TTC3: variants seen among roughly 807,000 people sequenced by gnomAD.
TTC3 encodes the protein E3 ubiquitin-protein ligase TTC3.
In TTC3, 180 loss-of-function variants were observed where a neutral mutation model predicts 249.6. The ratio of observed to expected loss-of-function variants is 0.72; its 90% CI spans 0.64 to 0.82. The LOEUF is 0.82. TTC3 is among the 40% of genes least tolerant of loss of function. TTC3 has a pLI of 0.00. For synonymous variants in TTC3, 717 were observed against 805.0 expected (o/e 0.89, Z 1.85); for missense variants, 2,061 against 2,398.4 (o/e 0.86, Z 2.94).
intron 1 of TTC3, 133 bp from the exon 2 acceptor site, chr21:37,087,114 G>A (rs1601288354): frequency 2.1e-6 from 2 of 930,292 alleles, no homozygotes; most frequent in African/African-American, 3.3e-5. Flanking sequence ...TCGGAGCTCA[G>A]TGTTCTGATA....
At chr21:37,167,795 G>A (rs1453961849) in intron 34 of TTC3, among the ~76,000 whole-genome samples, 175 bp downstream of exon 34, 1 of 151,616 alleles carries the variant, frequency 6.6e-6, no homozygotes, top group African/African-American at 2.4e-5. Context: ...ATTTGAGAAG[G>A]GAAGGAAAAG....
Position 37,166,413 on chromosome 21 carries a change from T to G in TTC3, c.4199T>G (p.Ile1400Ser). The G allele has an allele frequency of 6.2e-7, 1 of 1,614,206 alleles. No homozygotes were observed. The highest frequency in any genetic ancestry group is 1.1e-5 in the South Asian group (1 of 91,086). ...GCTGAGAATGTTGCTGGTCACCAGA[T>G]TGCCTCTGAAACACAGATCCTTGAG... The change falls in exon 33 of 46, where the codon ATT becomes AGT. Residue 1400 changes from isoleucine (I) to serine (S), a missense_variant. Physicochemically the swap from Ile to Ser is moderately radical, Grantham distance 142. Transcript: ENST00000355666.
At chr21:37,199,823 G>T (rs148037634) in intron 44 of TTC3, among the ~76,000 whole-genome samples, 3 of 152,128 alleles carry the variant, frequency 2.0e-5, no homozygotes, top group Non-Finnish European at 4.4e-5. Context: ...ATGGGCTTCC[G>T]TCATGATTTT....
At position 37,109,274 on chromosome 21, in the gene TTC3, C is replaced by T. The variant is rs1013072586; in HGVS notation, c.900+828C>T. Among the ~76,000 whole-genome samples the T allele has an allele frequency of 5.9e-5, 9 of 152,180 alleles. No individual in the cohort carries two copies. The East Asian group carries it at 1.4e-3, about 23-fold the overall frequency. Reference sequence around the variant, plus strand: ...GAAGCAGGGTGAGGCATGGCCTCACCGGGGAAGCGCAAGGGGTCAGGGAAT... The same window carrying T: ...GAAGCAGGGTGAGGCATGGCCTCACTGGGGAAGCGCAAGGGGTCAGGGAAT... On this transcript the variant is annotated intron_variant, in intron 11 of 45. Coordinates refer to ENST00000355666, the Ensembl canonical transcript of TTC3.
At chr21:37,197,468 CTT>C (rs1282917287) in intron 42 of TTC3, 100 bp from the exon 43 acceptor site, 11 of 1,388,520 alleles carry the variant, frequency 7.9e-6, no homozygotes, top group African/African-American at 1.4e-5. Context: ...GTGCATTTGT[CTT>C]TGTTTCTTTG....
intron 28 of TTC3, chr21:37,157,222 G>A: frequency 7.6e-7 from 1 of 1,316,724 alleles, no homozygotes; most frequent in Non-Finnish European, 1.0e-6. Context: ...TTAGTAAGTG[G>A]TTTGATTTAT....
chr21:37,159,674 C>CA lies in TTC3; in HGVS notation c.2993-21dup, dbSNP rs1299357919. 5.6e-6 allele frequency: 9 copies of CA among 1,610,372 alleles called. No individual in the cohort carries two copies. In the Admixed American group the frequency reaches 1.0e-4, roughly 18 times the overall value. The stretch of plus-strand genomic sequence containing the variant: ...GAAATGTAAATATTTAGTTTTCTCA[C>CA]AAAACCATCTGTATATTCCTACAGA... On this transcript the variant is annotated intron_variant, in intron 28 of 45. Coordinates refer to ENST00000355666, the Ensembl canonical transcript of TTC3.
intron 11 of TTC3, among the ~76,000 whole-genome samples, chr21:37,118,543 T>A (rs1212265785): frequency 6.6e-6 from 1 of 152,190 alleles, no homozygotes; most frequent in Non-Finnish European, 1.5e-5. Context: ...ATTTAAATTT[T>A]GAGGGGCGCA....
rs776341247 is a variant in TTC3, at chr21:37,150,143, C to T, written c.2184C>T (p.Phe728=). Reference sequence around the variant, plus strand: ...GTGTCATTTCTAAGATTATCATCTTCAGCAGTGGTGGTGAAGTTAAATGTG... The same window carrying T: ...GTGTCATTTCTAAGATTATCATCTTTAGCAGTGGTGGTGAAGTTAAATGTG... The change falls in exon 24 of 46, where the codon TTC becomes TTT. Residue 728 remains phenylalanine, a synonymous_variant. Transcript: ENST00000355666. 4 of 1,612,766 alleles carry T rather than the reference C, an allele frequency of 2.5e-6. No homozygotes were observed. In the East Asian group the frequency reaches 6.7e-5, roughly 27 times the overall value.
exon 35 of TTC3, chr21:37,172,619 G>A: frequency 6.2e-7 from 1 of 1,612,354 alleles, no homozygotes; most frequent in Non-Finnish European, 8.5e-7. Context: ...GATTGAAAAG[G>A]AGCACCAAGT....
At chr21:37,100,436 T>C (rs951415336) in intron 10 of TTC3, among the ~76,000 whole-genome samples, 6 of 152,094 alleles carry the variant, frequency 3.9e-5, no homozygotes, top group African/African-American at 1.4e-4. Context: ...ATATAAGTAT[T>C]GTAAGGCCAG....
At chr21:37,083,425 G>C in intron 1 of TTC3, 1 of 984,866 alleles carries the variant, frequency 1.0e-6, no homozygotes. Flanking sequence ...TTGAAGGCAA[G>C]TCTGACCAGT....
At chr21:37,129,966 A>G (rs890832730) in intron 16 of TTC3, among the ~76,000 whole-genome samples, 1 of 152,162 alleles carries the variant, frequency 6.6e-6, no homozygotes, top group African/African-American at 2.4e-5. Flanking sequence ...TTAACACCCC[A>G]TTGACAACAA....
chr21:37,098,069 G>C, intron 10 of TTC3: 1 of 605,172 alleles, frequency 1.7e-6, no homozygotes, highest in South Asian at 2.1e-5. Context: ...AGGCTATCTA[G>C]ACTAGAGGAA....
chr21:37,100,653 C>T (rs1051249812), intron 10 of TTC3, among the ~76,000 whole-genome samples: 2 of 152,180 alleles, frequency 1.3e-5, no homozygotes, highest in African/African-American at 2.4e-5. Flanking sequence ...GCTTGGAAAA[C>T]GCAGGAGATG....
At chr21:37,171,097 T>C (rs1442313748) in intron 34 of TTC3, among the ~76,000 whole-genome samples, 2 of 152,236 alleles carry the variant, frequency 1.3e-5, no homozygotes, top group Non-Finnish European at 2.9e-5. Context: ...GTTGAACATT[T>C]AGATTGTATC....
At position 37,096,628 on chromosome 21, in the gene TTC3, G is replaced by C. The variant is rs186310557; in HGVS notation, c.830G>C (p.Arg277Pro). ...GGTAACCGAGCTCTTTGTTTTCTTC[G>C]TACTGGACAGTTTAGGTAAGTTGGT... Residue 277 changes from arginine (R) to proline (P), a missense_variant, in exon 10 of 46, where the codon CGT (arginine) becomes CCT (proline). Physicochemically the swap from Arg to Pro is moderately radical, Grantham distance 103 (BLOSUM62 -2). Coordinates refer to ENST00000355666, the Ensembl canonical transcript of TTC3. 5 of 1,611,298 alleles carry C rather than the reference G, an allele frequency of 3.1e-6. No homozygotes were observed. The East Asian group carries it at 8.9e-5, about 29-fold the overall frequency.
At chr21:37,147,730 G>GTT in intron 22 of TTC3, 127 bp downstream of exon 22, 1 of 1,076,934 alleles carries the variant, frequency 9.3e-7, no homozygotes, top group Non-Finnish European at 1.3e-6. Context: ...CCTTTCCCAG[G>GTT]ATTTTTTTTT....
chr21:37,147,560 G>T, exon 22 of TTC3: 1 of 1,611,530 alleles, frequency 6.2e-7, no homozygotes, highest in Non-Finnish European at 8.5e-7. Flanking sequence ...AAGTGCCATG[G>T]ATATTCTAAG....
Sources: gnomAD v4.1 joint callset for allele counts (sites outside exome capture counted in the v4.1 genomes callset) on GRCh38, gnomAD v4.1.1 for gene constraint, MANE v1.5 for transcripts, NCBI Gene and HGNC (gene_info 2026-07-23, HGNC 2026-07-21) for gene names.